The following DRC12 variants were observed in gnomAD, a reference collection of about 807,000 sequenced individuals.
DRC12 encodes dynein regulatory complex protein 12.
the DRC12 span, among the ~76,000 whole-genome samples, chr11:119,192,077 G>A: frequency 3.3e-5 from 5 of 151,440 alleles, no homozygotes; most frequent in Admixed American, 1.3e-4. Flanking sequence ...CTGGGTTCAA[G>A]TGATTCTCCT....
the DRC12 span, chr11:119,193,830 C>T: frequency 7.1e-6 from 11 of 1,551,608 alleles, no homozygotes; most frequent in Admixed American, 2.0e-5. Context: ...CTTGCAGCCT[C>T]TGCCTCAGCT....
the DRC12 span, chr11:119,195,510 G>A: frequency 6.5e-7 from 1 of 1,539,320 alleles, no homozygotes; most frequent in East Asian, 2.4e-5. Flanking sequence ...CTGGGAGAAG[G>A]AGGGGACCTT....
At chr11:119,193,906 G>A in the DRC12 span, 8 of 1,549,748 alleles carry the variant, frequency 5.2e-6, no homozygotes, top group South Asian at 9.5e-5. Context: ...TCCCAGAGCC[G>A]CCGTCAGGAC....
chr11:119,193,546 T>C, the DRC12 span: 3 of 1,413,538 alleles, frequency 2.1e-6, no homozygotes, highest in Non-Finnish European at 2.8e-6. Flanking sequence ...ATCAAGCACA[T>C]GGCACCAGGC....
the DRC12 span, among the ~76,000 whole-genome samples, chr11:119,194,405 TCGGGAGG>T: frequency 2.0e-5 from 3 of 147,582 alleles, no homozygotes; most frequent in East Asian, 4.1e-4. Context: ...TCCCAGCTAC[TCGGGAGG>T]CTGAGGCAGG....
chr11:119,195,193 T>A, the DRC12 span: 1 of 628,424 alleles, frequency 1.6e-6, no homozygotes, highest in Non-Finnish European at 2.8e-6. Context: ...AAAATACACA[T>A]GACAAATATA....
At chr11:119,193,969 T>A in the DRC12 span, 3 of 1,376,844 alleles carry the variant, frequency 2.2e-6, no homozygotes, top group Non-Finnish European at 2.0e-6. Context: ...TTTGCCCACC[T>A]CTAGAAATCT....
chr11:119,193,495 A>AT, the DRC12 span: 9 of 1,239,178 alleles, frequency 7.3e-6, no homozygotes, highest in African/African-American at 1.4e-4. Flanking sequence ...CCATGGGCTG[A>AT]TTGAGATGAT....
chr11:119,190,359 G>A, the DRC12 span: 1 of 1,613,842 alleles, frequency 6.2e-7, no homozygotes. This position sits in a 1 kb window ranked among gnomAD's most constrained non-coding sequence, Gnocchi z 4.2. Flanking sequence ...AACTGGCGTT[G>A]CTGCTCCTTG....
chr11:119,192,803 C>T, the DRC12 span, among the ~76,000 whole-genome samples: 1 of 152,148 alleles, frequency 6.6e-6, no homozygotes, highest in Non-Finnish European at 1.5e-5. Context: ...TGCGCCACCA[C>T]ATCCGGCTAA....
chr11:119,190,782 C>T, the DRC12 span: 1 of 1,614,146 alleles, frequency 6.2e-7, no homozygotes, highest in Non-Finnish European at 8.5e-7. This position sits in a 1 kb window ranked among gnomAD's most constrained non-coding sequence, Gnocchi z 4.2. Context: ...CCTGGTCCCG[C>T]TCTCCGAGAG....
the DRC12 span, chr11:119,195,400 G>A: frequency 1.1e-5 from 17 of 1,546,868 alleles, no homozygotes; most frequent in South Asian, 1.5e-4. Flanking sequence ...GAAGCAGGGG[G>A]CACCTCCACC....
the DRC12 span, chr11:119,190,852 C>T: frequency 1.2e-6 from 2 of 1,608,742 alleles, no homozygotes; most frequent in Non-Finnish European, 1.7e-6. This position sits in a 1 kb window ranked among gnomAD's most constrained non-coding sequence, Gnocchi z 4.2. Flanking sequence ...TGGGGGCAGG[C>T]AGGATGAAAG....
chr11:119,190,402 C>T, the DRC12 span: 1 of 1,613,736 alleles, frequency 6.2e-7, no homozygotes, highest in Non-Finnish European at 8.5e-7. This position sits in a 1 kb window ranked among gnomAD's most constrained non-coding sequence, Gnocchi z 4.2. Flanking sequence ...CTGCCCCATC[C>T]CACTGCTGCT....
At chr11:119,190,288 C>A in the DRC12 span, 5 of 1,614,116 alleles carry the variant, frequency 3.1e-6, no homozygotes, top group Non-Finnish European at 4.2e-6. The surrounding 1 kb of genome is among the most constrained non-coding windows in gnomAD (Gnocchi z 4.2). Context: ...ATTGCTGGGG[C>A]CTCAGAGAAC....
chr11:119,190,581 G>T, the DRC12 span: 1 of 1,550,938 alleles, frequency 6.4e-7, no homozygotes, highest in Non-Finnish European at 8.8e-7. The surrounding 1 kb of genome is among the most constrained non-coding windows in gnomAD (Gnocchi z 4.2). Context: ...CCTCAGGATA[G>T]AGCAGGGCTC....
At chr11:119,193,361 G>T in the DRC12 span, 1 of 913,116 alleles carries the variant, frequency 1.1e-6, no homozygotes, top group Non-Finnish European at 1.7e-6. Context: ...GAGCACAAAG[G>T]CCTTCTTGGT....
the DRC12 span, among the ~76,000 whole-genome samples, chr11:119,194,542 A>AAAAAAAAAAAAAAAAAAAT: frequency 6.2e-5 from 3 of 48,148 alleles, no homozygotes; most frequent in African/African-American, 2.6e-4. Context: ...AAAAAAAAAA[A>AAAAAAAAAAAAAAAAAAAT]AAATAAATAA....
chr11:119,192,706 G>A, the DRC12 span, among the ~76,000 whole-genome samples: 2 of 152,108 alleles, frequency 1.3e-5, no homozygotes, highest in Non-Finnish European at 2.9e-5. Context: ...GAGTGCAATG[G>A]CGTGATCTCG....
Sources: allele counts gnomAD v4.1 joint callset (sites outside exome capture counted in the v4.1 genomes callset), GRCh38; gene constraint gnomAD v4.1.1; non-coding constraint Gnocchi (gnomAD v3.1); transcripts MANE v1.5; gene names NCBI Gene and HGNC (gene_info 2026-07-23, HGNC 2026-07-21).